CROCC2: variants seen among roughly 807,000 people sequenced by gnomAD.
CROCC2 encodes the protein ciliary rootlet coiled-coil protein 2.
In CROCC2, 163 loss-of-function variants were observed where a neutral mutation model predicts 177.6. That is an observed-to-expected ratio of 0.92 (90% CI 0.81 to 1.05). CROCC2 has a LOEUF of 1.05. CROCC2 is among the 50% of genes least tolerant of loss of function. The pLI is 0.00. For missense variants in CROCC2, 1,929 were observed against 1,797.8 expected, an observed-to-expected ratio of 1.07 and a Z score of -1.32; for synonymous variants, 904 against 787.3, an observed-to-expected ratio of 1.15 and a Z score of -2.48.
At chr2:240,935,282 AG>A in intron 13 of CROCC2, 75 bp from the exon 14 acceptor site, 11 of 1,279,446 alleles carry the variant, frequency 8.6e-6, no homozygotes, top group Non-Finnish European at 1.1e-5. Flanking sequence ...GCCCCGGGGC[AG>A]GCCTTGGGGA....
chr2:240,970,394 A>C (rs553820015), intron 27 of CROCC2, among the ~76,000 whole-genome samples: 5 of 152,198 alleles, frequency 3.3e-5, no homozygotes, highest in African/African-American at 9.6e-5. Flanking sequence ...TCCCATGTAG[A>C]AGTTTTGTGG....
At chr2:240,927,098 G>A (rs770331232) in intron 5 of CROCC2, among the ~76,000 whole-genome samples, 13 of 152,158 alleles carry the variant, frequency 8.5e-5, no homozygotes, top group Non-Finnish European at 1.6e-4. Context: ...GCTTTCTCTC[G>A]GCACCTTAAA....
intron 3 of CROCC2, 103 bp downstream of exon 3, chr2:240,920,237 A>G: frequency 1.7e-6 from 1 of 583,444 alleles, no homozygotes; most frequent in Non-Finnish European, 3.1e-6. Context: ...ACCATCGGCA[A>G]TTTCTAAGAC....
chr2:240,973,934 T>G lies in CROCC2; in HGVS notation c.4401+5672T>G, dbSNP rs74001734. 0.016 allele frequency among the ~76,000 whole-genome samples: 2,490 copies of G among 152,362 alleles called. 75 individuals are homozygous for G. Among genetic ancestry groups the G allele is most frequent in the African/African-American group, 0.056 (2,325 of 41,568 alleles). On this transcript the variant is annotated intron_variant, in intron 27 of 31. Transcript: ENST00000690015. This position sits in a 1 kb window ranked among gnomAD's most constrained non-coding sequence, Gnocchi z 4.7. Reference sequence around the variant, plus strand: ...TGTACATATTCCGCAGCTGTCATCATAAAGAATACACTTTAATTCCCTTTC... The same window carrying G: ...TGTACATATTCCGCAGCTGTCATCAGAAAGAATACACTTTAATTCCCTTTC...
At chr2:240,988,609 C>G in intron 28 of CROCC2, 130 bp from the exon 29 acceptor site, 1 of 984,860 alleles carries the variant, frequency 1.0e-6, no homozygotes, top group Non-Finnish European at 1.3e-6. Flanking sequence ...CAGTGCCCTT[C>G]CTGACGCTGC....
At chr2:240,969,210 G>A (rs557749664) in intron 27 of CROCC2, among the ~76,000 whole-genome samples, 1 of 152,326 alleles carries the variant, frequency 6.6e-6, no homozygotes, top group South Asian at 2.1e-4. Context: ...GGACGGCCTT[G>A]CAGGTTGGCA....
chr2:240,965,299 G>A, intron 22 of CROCC2, 82 bp from the exon 23 acceptor site: 4 of 1,522,160 alleles, frequency 2.6e-6, no homozygotes, highest in Non-Finnish European at 3.5e-6. Context: ...AGGGACGTGT[G>A]AGCGGAGGCA....
chr2:240,933,618 T>A, intron 10 of CROCC2, 52 bp from the exon 11 acceptor site: 10 of 1,523,426 alleles, frequency 6.6e-6, no homozygotes, highest in Non-Finnish European at 6.2e-6. Flanking sequence ...AGGCACGCGG[T>A]GCACCTTGAA....
intron 3 of CROCC2, among the ~76,000 whole-genome samples, chr2:240,922,269 G>C (rs532736589): frequency 6.6e-6 from 1 of 152,298 alleles, no homozygotes; most frequent in Admixed American, 6.5e-5. Flanking sequence ...CTCAAGGCCT[G>C]ATGGGATTGG....
At chr2:240,981,122 G>C (rs2059795682) in intron 27 of CROCC2, among the ~76,000 whole-genome samples, 1 of 141,612 alleles carries the variant, frequency 7.1e-6, no homozygotes, top group Non-Finnish European at 1.5e-5. Flanking sequence ...GGAGCCTCAG[G>C]ATCCCAGGCT....
chr2:240,931,034 G>A lies in CROCC2; in HGVS notation c.853G>A (p.Ala285Thr), dbSNP rs1199788627. ...SNLRLSASST[A>T]STLGQQLRDK... ...CCTGCGGCTGTCGGCCAGCAGCACG[G>A]CCAGCACCCTGGGGCAGCAGCTTCG... The change falls in exon 7 of 32, where the codon GCC becomes ACC. Residue 285 changes from alanine (A) to threonine (T), a missense_variant. Transcript: ENST00000690015. The A allele has an allele frequency of 2.8e-6, 2 of 716,508 alleles. No homozygotes were observed. The highest frequency in any genetic ancestry group is 2.7e-5 in the East Asian group (1 of 37,296). 44.4% of individuals were successfully genotyped at this position (716,508 alleles called of 1,614,324 possible).
At chr2:240,980,965 G>A (rs1271277201) in intron 27 of CROCC2, among the ~76,000 whole-genome samples, 21 of 83,502 alleles carry the variant, frequency 2.5e-4, no homozygotes, top group Admixed American at 6.0e-4. Flanking sequence ...TCCCTGCTCA[G>A]GCTCTGGGGT....
intron 4 of CROCC2, 55 bp from the exon 5 acceptor site, chr2:240,925,669 C>A (rs568188682): frequency 1.5e-6 from 1 of 650,882 alleles, no homozygotes; most frequent in Non-Finnish European, 2.8e-6. Flanking sequence ...ACTCTGAGCG[C>A]CTCTCTTAGG....
intron 21 of CROCC2, 101 bp from the exon 22 acceptor site, chr2:240,964,365 A>G: frequency 7.2e-7 from 1 of 1,393,438 alleles, no homozygotes; most frequent in East Asian, 2.5e-5. Context: ...CAGAGTCAAG[A>G]CTGGGGCCAG....
In CROCC2 at chr2:240,917,567, A is replaced by C. The variant is rs2059328172; in HGVS notation, c.79-1159A>C. Among the ~76,000 whole-genome samples the C allele has an allele frequency of 6.6e-6, 1 of 152,084 alleles. No individual in the cohort carries two copies. The highest frequency in any genetic ancestry group is 2.1e-4 in the South Asian group (1 of 4,826). ...GTCAGGAGGAAAATCCAGGAGGCAC[A>C]AGGTGGGGGAGCTGCCCTGCGGACC... On this transcript the variant is annotated intron_variant, in intron 1 of 31. Coordinates refer to ENST00000690015, the MANE Select transcript of CROCC2 (RefSeq NM_001351305.2). This position sits in a 1 kb window ranked among gnomAD's most constrained non-coding sequence, Gnocchi z 4.9.
chr2:240,967,510 A>G, intron 26 of CROCC2, 45 bp downstream of exon 26: 1 of 1,490,232 alleles, frequency 6.7e-7, no homozygotes, highest in South Asian at 1.2e-5. Context: ...AGTGGCTGTG[A>G]GAGTGGCACC....
rs920639171 is a variant in CROCC2 at position 240,965,711 on chromosome 2, C to T, written c.3679C>T (p.Leu1227Phe). 52 of 1,548,536 alleles carry T rather than the reference C, an allele frequency of 3.4e-5. No individual in the cohort carries two copies. Among genetic ancestry groups the T allele is most frequent in the Non-Finnish European group, 4.4e-5 (50 of 1,146,056 alleles). The change falls in exon 24 of 32, where the codon CTC becomes TTC. Residue 1227 changes from leucine (L) to phenylalanine (F), a missense_variant. This residue lies in a region of CROCC2 where 144 missense variants were observed against 205.2 expected (regional missense o/e 0.70). Transcript: ENST00000690015. ...CCATGGACAGCGGCTCCAGGAGCACCTCCGTGAGAGCCGGGGGGCTGAGCA... is the reference window on the plus strand; with the variant it reads ...CCATGGACAGCGGCTCCAGGAGCACTTCCGTGAGAGCCGGGGGGCTGAGCA... ...EAHGQRLQEH[L>F]RESRGAEQTL...
Position 240,922,538 on chromosome 2 carries a change from G to A in CROCC2, c.382-1G>A. The A allele has an allele frequency of 1.4e-6, 1 of 694,992 alleles. No individual in the cohort carries two copies. The highest frequency in any genetic ancestry group is 2.7e-6 in the Non-Finnish European group (1 of 371,394). The allele number at this position is 694,992 out of a possible 1,614,324, so 43.1% of individuals were successfully genotyped here. A position where few individuals can be genotyped will look rare whatever the true frequency, so the allele number is the denominator to read the frequency against. On this transcript the variant is annotated splice_acceptor_variant, in intron 3 of 31. Coordinates refer to ENST00000690015, the MANE Select transcript of CROCC2 (RefSeq NM_001351305.2). LOFTEE classifies it high-confidence loss of function. ...CCAGGTGGGCTATTGCTCCTCCCCA[G>A]CTGCAGGCCCGGCTGGAGACCACCG...
At chr2:240,931,634 C>G (rs2059432018) in intron 7 of CROCC2, among the ~76,000 whole-genome samples, 2 of 152,240 alleles carry the variant, frequency 1.3e-5, no homozygotes, top group Admixed American at 1.3e-4. Context: ...AGGGCAGCTT[C>G]AGCAGAAAGT....
Sources: gnomAD v4.1 joint callset for allele counts (sites outside exome capture counted in the v4.1 genomes callset) on GRCh38, gnomAD v4.1.1 for gene constraint, gnomAD v4.1.1 regional missense constraint, Gnocchi (gnomAD v3.1) non-coding constraint, MANE v1.5 for transcripts, NCBI Gene and HGNC (gene_info 2026-07-23, HGNC 2026-07-21) for gene names.